Variants in COX7A2L observed in about 807,000 individuals in gnomAD.
COX7A2L encodes cytochrome c oxidase subunit 7A2 like, also known as cytochrome c oxidase subunit 7A2-like, mitochondrial.
In COX7A2L, 18 loss-of-function variants were observed where a neutral mutation model predicts 14.2. The observed-to-expected ratio is 1.27, with a 90% CI of 0.88 to 1.88. The LOEUF is 1.88. COX7A2L is among the 40% of genes most tolerant of loss of function. The pLI is 0.00. For missense variants in COX7A2L, 179 were observed against 138.8 expected (o/e 1.29, Z -1.46); for synonymous variants, 65 against 57.4 (o/e 1.13, Z -0.60).
At chr2:42,368,615 C>T (rs114144148) in intron 1 of COX7A2L, among the ~76,000 whole-genome samples, 1,615 of 152,294 alleles carry the variant, frequency 0.011, 30 homozygotes, top group African/African-American at 0.036. Context: ...AGATTCTTCA[C>T]TTCACTGAGC....
rs527796302 is a variant in COX7A2L, at chr2:42,338,150, G to T, written c.193-4281C>A. On this transcript the variant is annotated intron_variant, in intron 2 of 2. Transcript: ENST00000468711. This position sits in a 1 kb window ranked among gnomAD's most constrained non-coding sequence, Gnocchi z 4.4. ...GTTGGTCCATAACCCTACTCCCCAT[G>T]CTCCTGGCCCACATGCAAGGCAGAG... Among the ~76,000 whole-genome samples, 1 of 152,122 alleles carries T rather than the reference G, an allele frequency of 6.6e-6. No homozygotes were observed. Among genetic ancestry groups the T allele is most frequent in the Non-Finnish European group, 1.5e-5 (1 of 68,014 alleles).
intron 2 of COX7A2L, among the ~76,000 whole-genome samples, chr2:42,336,736 A>G (rs760104853): frequency 3.9e-5 from 6 of 152,238 alleles, no homozygotes; most frequent in South Asian, 2.1e-4. Flanking sequence ...GATGCCTTAC[A>G]GCAGCTCCTC....
At chr2:42,359,636 TTC>T (rs1670952182) in intron 1 of COX7A2L, 2 of 152,226 alleles carry the variant, frequency 1.3e-5, no homozygotes, top group African/African-American at 2.4e-5. Context: ...CACATTCTCC[TTC>T]TCCACCCTTC....
chr2:42,336,330 C>T (rs1002997414), intron 2 of COX7A2L, among the ~76,000 whole-genome samples: 2 of 152,182 alleles, frequency 1.3e-5, no homozygotes, highest in Admixed American at 1.3e-4. Flanking sequence ...ATATGGACCA[C>T]TGCTGATGAT....
Position 42,338,597 on chromosome 2 carries a change from C to A in COX7A2L, c.193-4728G>T, listed in dbSNP as rs772301906. On this transcript the variant is annotated intron_variant, in intron 2 of 2. Coordinates refer to the COX7A2L transcript ENST00000468711. The surrounding 1 kb of genome is among the most constrained non-coding windows in gnomAD (Gnocchi z 4.4). ...ATTAATTATGAACCAAGAATCCCCC[C>A]GATAGGACTCAGCCCCCACCAAGAC... 1.3e-5 allele frequency among the ~76,000 whole-genome samples: 2 copies of A among 152,156 alleles called. No homozygotes were observed. The highest frequency in any genetic ancestry group is 2.9e-5 in the Non-Finnish European group (2 of 68,040).
chr2:42,361,425 T>G, upstream of COX7A2L: 5 of 388,178 alleles, frequency 1.3e-5, no homozygotes, highest in East Asian at 5.4e-5. Context: ...AAATATGAAG[T>G]TCCCTCTTTC....
intron 2 of COX7A2L, among the ~76,000 whole-genome samples, chr2:42,340,260 G>A (rs1670375086): frequency 6.6e-6 from 1 of 152,068 alleles, no homozygotes; most frequent in Admixed American, 6.5e-5. Context: ...TCCAGGGACG[G>A]GCAGTTGTCA....
chr2:42,355,714 G>GTTTTTTT (rs1254293234), intron 1 of COX7A2L, among the ~76,000 whole-genome samples: 7 of 82,848 alleles, frequency 8.4e-5, no homozygotes, highest in African/African-American at 1.5e-4. Flanking sequence ...AAAATCCTAC[G>GTTTTTTT]TTCTTTTTTT....
chr2:42,337,329 A>C (rs778673148), intron 2 of COX7A2L, among the ~76,000 whole-genome samples: 2 of 152,234 alleles, frequency 1.3e-5, no homozygotes, highest in African/African-American at 2.4e-5. Context: ...GATGGTGCTC[A>C]CGGGCATGAG....
At chr2:42,355,632 C>T in intron 1 of COX7A2L, among the ~76,000 whole-genome samples, 1 of 151,258 alleles carries the variant, frequency 6.6e-6, no homozygotes, top group East Asian at 1.9e-4. Context: ...TTATCTCATC[C>T]CATTAATTGT....
chr2:42,368,157 A>C (rs564652043), intron 1 of COX7A2L, among the ~76,000 whole-genome samples: 1 of 152,324 alleles, frequency 6.6e-6, no homozygotes, highest in South Asian at 2.1e-4. Context: ...AAGAACATGA[A>C]ATTGCTGTGT....
chr2:42,342,101 G>A lies in COX7A2L; in HGVS notation c.193-8232C>T, dbSNP rs969930295. Among the ~76,000 whole-genome samples, 7 of 152,106 alleles carry A rather than the reference G, an allele frequency of 4.6e-5. No individual in the cohort carries two copies. Among genetic ancestry groups the A allele is most frequent in the African/African-American group, 1.2e-4 (5 of 41,404 alleles). ...GACCTTCCCCACCCTCTCTAGTGGC[G>A]AGGCACTTCCGGAACTGGTGCCAGG... is the stretch of plus-strand genomic sequence containing the variant. On this transcript the variant is annotated intron_variant, in intron 2 of 2. Coordinates refer to the COX7A2L transcript ENST00000468711. The surrounding 1 kb of genome is among the most constrained non-coding windows in gnomAD (Gnocchi z 4.9).
At chr2:42,341,413 C>G (rs1670402441) in intron 2 of COX7A2L, among the ~76,000 whole-genome samples, 1 of 152,228 alleles carries the variant, frequency 6.6e-6, no homozygotes, top group Non-Finnish European at 1.5e-5. Flanking sequence ...ACCCCAAGGC[C>G]TGCCCAAGCT....
rs558217769 is a variant in COX7A2L, at chr2:42,337,935, C to T, written c.193-4066G>A. 2.6e-5 allele frequency among the ~76,000 whole-genome samples: 4 copies of T among 152,308 alleles called. No homozygotes were observed. In the East Asian group the frequency reaches 7.7e-4, roughly 29 times the overall value. On this transcript the variant is annotated intron_variant, in intron 2 of 2. Coordinates refer to the COX7A2L transcript ENST00000468711. ...CAAGCGGTGCCCACTGGCTTTCTAG[C>T]GCCCGCTCTGCTACCATGGGTCCCT...
At chr2:42,347,444 G>C (rs1239503142), downstream of COX7A2L, among the ~76,000 whole-genome samples, 1 of 151,388 alleles carries the variant, frequency 6.6e-6, no homozygotes, top group Non-Finnish European at 1.5e-5. Flanking sequence ...TAAAGATTAT[G>C]CATTAAAGTC....
chr2:42,351,435 T>A (rs367796767), intron 2 of COX7A2L, 76 bp from the exon 3 acceptor site: 1 of 1,543,628 alleles, frequency 6.5e-7, no homozygotes, highest in Non-Finnish European at 8.8e-7. Context: ...AAATAACAAA[T>A]TTGTCTACTC....
At chr2:42,365,814 G>A (rs1033501828), upstream of COX7A2L, 1 of 152,188 alleles carries the variant, frequency 6.6e-6, no homozygotes, top group African/African-American at 2.4e-5. Flanking sequence ...CCACAGGAAG[G>A]GTGACTAAAG....
chr2:42,336,706 C>G (rs1670281459), intron 2 of COX7A2L, among the ~76,000 whole-genome samples: 1 of 152,190 alleles, frequency 6.6e-6, no homozygotes, highest in Non-Finnish European at 1.5e-5. Context: ...AGCTCTGTTT[C>G]AATTGACAAA....
upstream of COX7A2L, among the ~76,000 whole-genome samples, chr2:42,362,022 C>A (rs1342361061): frequency 6.6e-6 from 1 of 152,166 alleles, no homozygotes; most frequent in Admixed American, 6.5e-5. Flanking sequence ...AAATGTCACA[C>A]GGTTTCTCAG....
Sources: gnomAD v4.1 joint callset for allele counts (sites outside exome capture counted in the v4.1 genomes callset) on GRCh38, gnomAD v4.1.1 for gene constraint, Gnocchi (gnomAD v3.1) non-coding constraint, MANE v1.5 for transcripts, NCBI Gene and HGNC (gene_info 2026-07-23, HGNC 2026-07-21) for gene names.